The following POU6F2 variants were observed in gnomAD, a reference collection of about 807,000 sequenced individuals.
POU6F2 encodes the protein POU class 6 homeobox 2.
A neutral mutation model predicts 71.3 loss-of-function variants in POU6F2; 31 were observed. The observed-to-expected ratio is 0.43, with a 90% CI of 0.33 to 0.59. The LOEUF (loss-of-function observed/expected upper bound fraction) is 0.59, where lower values mean the gene tolerates loss of function less well. Among genes scored for constraint, POU6F2 ranks in the 20% least tolerant of loss-of-function variants. POU6F2 has a pLI of 0.04. For missense variants in POU6F2, 783 were observed against 856.8 expected (o/e 0.91, Z 1.07); for synonymous variants, 347 against 355.7 (o/e 0.98, Z 0.27).
chr7:39,083,006 G>T (rs1199168122), intron 1 of POU6F2, among the ~76,000 whole-genome samples: 1 of 152,124 alleles, frequency 6.6e-6, no homozygotes, highest in African/African-American at 2.4e-5. Flanking sequence ...AGTAATTTAA[G>T]GAAGAAGAGC....
chr7:39,300,193 G>A (rs893134897), intron 4 of POU6F2, among the ~76,000 whole-genome samples: 3 of 152,170 alleles, frequency 2.0e-5, no homozygotes, highest in Admixed American at 6.5e-5. Flanking sequence ...GTAAACAAAC[G>A]TGACTTTATA....
intron 1 of POU6F2, among the ~76,000 whole-genome samples, chr7:39,016,745 G>A (rs1384385822): frequency 6.6e-6 from 1 of 152,180 alleles, no homozygotes; most frequent in Non-Finnish European, 1.5e-5. Context: ...TGAAGGAGGA[G>A]CTGGAGTTGT....
chr7:39,024,234 T>C (rs1789746410), intron 1 of POU6F2, among the ~76,000 whole-genome samples: 1 of 152,062 alleles, frequency 6.6e-6, no homozygotes, highest in Non-Finnish European at 1.5e-5. Context: ...CCTTGTAAGT[T>C]GGATTCCTAA....
At chr7:39,073,051 A>G (rs1345429197) in intron 1 of POU6F2, among the ~76,000 whole-genome samples, 1 of 152,118 alleles carries the variant, frequency 6.6e-6, no homozygotes, top group Non-Finnish European at 1.5e-5. Context: ...ATGGTAGCTA[A>G]TGTTTCTAGA....
chr7:39,123,608 C>G (rs923633856), intron 2 of POU6F2, among the ~76,000 whole-genome samples: 4 of 152,154 alleles, frequency 2.6e-5, no homozygotes, highest in Non-Finnish European at 5.9e-5. Context: ...TCTCTATTGT[C>G]CTTTATGGCT....
intron 1 of POU6F2, among the ~76,000 whole-genome samples, chr7:39,079,082 T>G (rs939418620): frequency 3.3e-5 from 5 of 152,124 alleles, no homozygotes; most frequent in Non-Finnish European, 2.9e-5. Context: ...TGGGAAGCGG[T>G]ATTGTAGAAA....
At chr7:39,041,705 GTTTCT>G (rs1172441246) in intron 1 of POU6F2, among the ~76,000 whole-genome samples, 14 of 151,544 alleles carry the variant, frequency 9.2e-5, no homozygotes, top group Admixed American at 5.9e-4. Flanking sequence ...CTTATTGATG[GTTTCT>G]TTTGTCTTAT....
intron 2 of POU6F2, among the ~76,000 whole-genome samples, chr7:39,103,921 C>A (rs1464797064): frequency 6.6e-6 from 1 of 152,146 alleles, no homozygotes; most frequent in East Asian, 1.9e-4. Flanking sequence ...AGAGTTATGT[C>A]CAGCTATAAT....
intron 1 of POU6F2, among the ~76,000 whole-genome samples, chr7:39,070,250 A>G (rs551153522): frequency 9.3e-4 from 142 of 152,300 alleles, no homozygotes; most frequent in African/African-American, 3.3e-3. Flanking sequence ...TTCGTAAGAT[A>G]TGGGTTATTG....
At chr7:39,063,135 C>T (rs968296036) in intron 1 of POU6F2, among the ~76,000 whole-genome samples, 5 of 152,086 alleles carry the variant, frequency 3.3e-5, no homozygotes, top group African/African-American at 1.2e-4. Context: ...ATTATGAATG[C>T]TCTATAATAG....
At chr7:39,327,805 C>A (rs1196552912) in intron 4 of POU6F2, among the ~76,000 whole-genome samples, 4 of 151,044 alleles carry the variant, frequency 2.6e-5, no homozygotes, top group East Asian at 1.9e-4. Context: ...TCTAAGTGGA[C>A]CCCCCCGCCA....
chr7:39,419,047 GTA>G (rs1787770481), intron 6 of POU6F2, among the ~76,000 whole-genome samples: 1 of 137,038 alleles, frequency 7.3e-6, no homozygotes, highest in African/African-American at 2.6e-5. Context: ...ACATATATAT[GTA>G]TACACATATA....
chr7:39,323,111 TAA>T (rs35837057), intron 4 of POU6F2, among the ~76,000 whole-genome samples: 4 of 141,928 alleles, frequency 2.8e-5, no homozygotes, highest in Admixed American at 7.0e-5. Context: ...CAGGAAGATT[TAA>T]AAAAAAAAAA....
intron 4 of POU6F2, among the ~76,000 whole-genome samples, chr7:39,335,227 TA>T (rs1450392646): frequency 1.3e-5 from 2 of 152,258 alleles, no homozygotes; most frequent in African/African-American, 4.8e-5. Context: ...CTGTTGCTTA[TA>T]ATAACAGCCA....
chr7:39,022,700 G>C (rs702821), intron 1 of POU6F2, among the ~76,000 whole-genome samples: 130,467 of 152,084 alleles, frequency 0.86, 56,752 homozygotes, highest in East Asian at 0.95. Context: ...ACTTTCCCCC[G>C]CTTTTTCCAT....
intron 4 of POU6F2, among the ~76,000 whole-genome samples, chr7:39,238,082 A>AG (rs1794706004): frequency 6.6e-6 from 1 of 152,110 alleles, no homozygotes; most frequent in African/African-American, 2.4e-5. Flanking sequence ...ATGTAATTTC[A>AG]GGGGGGTATA....
chr7:39,082,793 T>TAC (rs1562698833), intron 1 of POU6F2, among the ~76,000 whole-genome samples: 4 of 67,348 alleles, frequency 5.9e-5, no homozygotes, highest in African/African-American at 2.0e-4. Context: ...AACCATGTCA[T>TAC]GCACACACAC....
chr7:39,358,345 A>G (rs1041173021), intron 5 of POU6F2, among the ~76,000 whole-genome samples: 3 of 152,184 alleles, frequency 2.0e-5, no homozygotes, highest in Non-Finnish European at 4.4e-5. Context: ...ATTGGCCATG[A>G]GTTGATAATT....
At chr7:39,320,950 G>A (rs879817963) in intron 4 of POU6F2, among the ~76,000 whole-genome samples, 1 of 152,126 alleles carries the variant, frequency 6.6e-6, no homozygotes, top group African/African-American at 2.4e-5. Context: ...CAGCTACTTG[G>A]GAGGCTGAAG....
Sources: allele counts gnomAD v4.1 joint callset (sites outside exome capture counted in the v4.1 genomes callset), GRCh38; gene constraint gnomAD v4.1.1; transcripts MANE v1.5; gene names NCBI Gene and HGNC (gene_info 2026-07-23, HGNC 2026-07-21).